Variants in SHROOM3 observed in about 807,000 individuals in gnomAD.
The protein encoded by SHROOM3 is shroom family member 3.
Under a neutral mutation model 138.6 loss-of-function variants are expected in SHROOM3, and 47 were observed. The observed-to-expected ratio is 0.34, with a 90% CI of 0.27 to 0.43. The LOEUF (loss-of-function observed/expected upper bound fraction) is 0.43. SHROOM3 is among the 20% of genes least tolerant of loss of function. SHROOM3 has a pLI of 1.00. For synonymous variants in SHROOM3, 1,062 were observed against 1,063.3 expected, an observed-to-expected ratio of 1.00 and a Z score of 0.02; for missense variants, 2,491 against 2,596.5, an observed-to-expected ratio of 0.96 and a Z score of 0.88.
chr4:76,601,316 C>T (rs954001164), intron 2 of SHROOM3, among the ~76,000 whole-genome samples: 2 of 151,908 alleles, frequency 1.3e-5, no homozygotes, highest in Admixed American at 6.6e-5. Flanking sequence ...AGAGATGCTG[C>T]CAAAATCCTG....
intron 2 of SHROOM3, among the ~76,000 whole-genome samples, chr4:76,646,216 T>TAATAAATAAATAAATA (rs1452185122): frequency 3.6e-4 from 38 of 105,162 alleles, no homozygotes; most frequent in South Asian, 1.1e-3. Flanking sequence ...ACTTAAAGTA[T>TAATAAATAAATAAATA]AATAAATAAA....
At chr4:76,686,902 C>A (rs928289829) in intron 2 of SHROOM3, among the ~76,000 whole-genome samples, 4 of 152,150 alleles carry the variant, frequency 2.6e-5, no homozygotes, top group African/African-American at 9.7e-5. Context: ...GACTCAGGAC[C>A]ACCTGCGGGA....
rs1053984726 is a variant in SHROOM3, at chr4:76,780,032, C to T, written c.*855C>T. Reference sequence around the variant, plus strand: ...TTATTAACAAAGACAACTCTCAGACCTATATAATAGGAGGAGGACGTCCAG... The same window carrying T: ...TTATTAACAAAGACAACTCTCAGACTTATATAATAGGAGGAGGACGTCCAG... On this transcript the variant is annotated 3_prime_UTR_variant, in exon 11 of 11. Coordinates refer to ENST00000296043, the MANE Select transcript of SHROOM3 (RefSeq NM_020859.4). 6.6e-6 allele frequency: 1 copy of T among 152,140 alleles called. No homozygotes were observed. Among genetic ancestry groups the T allele is most frequent in the African/African-American group, 2.4e-5 (1 of 41,424 alleles). 9.4% of individuals were successfully genotyped at this position (152,140 alleles called of 1,614,324 possible). A position where few individuals can be genotyped will look rare whatever the true frequency, so the allele number is the denominator to read the frequency against.
At chr4:76,617,302 T>G (rs1734902920) in intron 2 of SHROOM3, among the ~76,000 whole-genome samples, 1 of 152,234 alleles carries the variant, frequency 6.6e-6, no homozygotes, top group African/African-American at 2.4e-5. Context: ...TAATGCTAGC[T>G]GCTGTTGTTG....
intron 1 of SHROOM3, among the ~76,000 whole-genome samples, chr4:76,467,969 G>A (rs1229335044): frequency 6.6e-6 from 1 of 152,214 alleles, no homozygotes; most frequent in Non-Finnish European, 1.5e-5. Context: ...ATTCTAGGAG[G>A]TGGGACATAA....
At chr4:76,436,867 T>C (rs994922513) in intron 1 of SHROOM3, among the ~76,000 whole-genome samples, 1 of 152,234 alleles carries the variant, frequency 6.6e-6, no homozygotes, top group Non-Finnish European at 1.5e-5. Context: ...TGTACTGGGG[T>C]TAATATTTCT....
rs1206416921 is a variant in SHROOM3 at position 76,730,855 on chromosome 4, G to A, written c.507G>A (p.Gly169=). The A allele has an allele frequency of 5.6e-6, 9 of 1,613,946 alleles. No homozygotes were observed. The highest frequency in any genetic ancestry group is 6.8e-6 in the Non-Finnish European group (8 of 1,180,022). The part of the protein sequence containing the change: ...RPHSWHTTKS[G]EKQPDASMMQ... Reference sequence around the variant, plus strand: ...ACTCGTGGCACACAACTAAATCTGGGGAGAAGCAACCCGATGCCAGCATGA... The same window carrying A: ...ACTCGTGGCACACAACTAAATCTGGAGAGAAGCAACCCGATGCCAGCATGA... The change falls in exon 4 of 11, where the codon GGG becomes GGA. Residue 169 remains glycine (G), a synonymous_variant. Coordinates refer to ENST00000296043, the MANE Select transcript of SHROOM3 (RefSeq NM_020859.4).
At chr4:76,608,185 C>A (rs75327746) in intron 2 of SHROOM3, among the ~76,000 whole-genome samples, 1 of 152,310 alleles carries the variant, frequency 6.6e-6, no homozygotes, top group African/African-American at 2.4e-5. Context: ...GCATACACAA[C>A]CTTGGGAAGA....
intron 1 of SHROOM3, among the ~76,000 whole-genome samples, chr4:76,513,263 G>A (rs749388618): frequency 5.3e-5 from 8 of 152,162 alleles, no homozygotes; most frequent in Non-Finnish European, 1.2e-4. Context: ...AGCTGTTCAG[G>A]CTGAGTGTGG....
intron 9 of SHROOM3, among the ~76,000 whole-genome samples, chr4:76,767,136 G>A (rs1481846471): frequency 6.6e-6 from 1 of 152,144 alleles, no homozygotes; most frequent in Non-Finnish European, 1.5e-5. Context: ...TTTGAAGCCC[G>A]ATTGCAGTTT....
intron 10 of SHROOM3, among the ~76,000 whole-genome samples, chr4:76,774,708 G>GTTTTT (rs1158392432): frequency 1.5e-5 from 2 of 133,450 alleles, no homozygotes; most frequent in African/African-American, 5.4e-5. Context: ...GGTTTTTTGG[G>GTTTTT]GTTTTTTTTT....
At chr4:76,775,756 C>T (rs975651269) in intron 10 of SHROOM3, among the ~76,000 whole-genome samples, 1 of 151,308 alleles carries the variant, frequency 6.6e-6, no homozygotes, top group Non-Finnish European at 1.5e-5. Flanking sequence ...TATATACACA[C>T]ACCATATATA....
intron 1 of SHROOM3, among the ~76,000 whole-genome samples, chr4:76,554,324 C>T (rs954066323): frequency 1.2e-4 from 18 of 151,800 alleles, no homozygotes; most frequent in African/African-American, 4.4e-4. Flanking sequence ...ATTCCATTGT[C>T]TGAATGTACT....
intron 2 of SHROOM3, among the ~76,000 whole-genome samples, chr4:76,642,596 G>A (rs1468324142): frequency 6.6e-6 from 1 of 152,208 alleles, no homozygotes; most frequent in African/African-American, 2.4e-5. Context: ...GCCAATGTGT[G>A]AAGGGACAAA....
At chr4:76,693,466 C>T (rs1719627634) in intron 2 of SHROOM3, among the ~76,000 whole-genome samples, 1 of 148,070 alleles carries the variant, frequency 6.8e-6, no homozygotes, top group Non-Finnish European at 1.5e-5. Flanking sequence ...TCACTGCAGC[C>T]TCCACCTCCC....
At chr4:76,660,162 C>G (rs939509346) in intron 2 of SHROOM3, among the ~76,000 whole-genome samples, 6 of 152,148 alleles carry the variant, frequency 3.9e-5, no homozygotes, top group African/African-American at 1.4e-4. Context: ...GCTTGGGAAG[C>G]TCCAGCACCA....
At chr4:76,558,604 A>G (rs1308666832) in intron 2 of SHROOM3, among the ~76,000 whole-genome samples, 1 of 152,140 alleles carries the variant, frequency 6.6e-6, no homozygotes. Flanking sequence ...GACCTTGTGG[A>G]ATTTAGGAGT....
At chr4:76,475,244 G>A (rs948321132) in intron 1 of SHROOM3, among the ~76,000 whole-genome samples, 1 of 152,154 alleles carries the variant, frequency 6.6e-6, no homozygotes, top group Non-Finnish European at 1.5e-5. Context: ...GAGAAAAAGC[G>A]AGATTTTGGT....
chr4:76,595,730 GC>G (rs1734368134), intron 2 of SHROOM3, among the ~76,000 whole-genome samples: 1 of 152,124 alleles, frequency 6.6e-6, no homozygotes, highest in Non-Finnish European at 1.5e-5. Flanking sequence ...TGAAGGAGCT[GC>G]CTTTCTGAGC....
Sources: allele counts gnomAD v4.1 joint callset (sites outside exome capture counted in the v4.1 genomes callset), GRCh38; gene constraint gnomAD v4.1.1; transcripts MANE v1.5; gene names NCBI Gene and HGNC (gene_info 2026-07-23, HGNC 2026-07-21).